Variants in ZNF469 observed in about 807,000 individuals in gnomAD.
The protein encoded by ZNF469 is zinc finger protein 469.
In ZNF469, 1 loss-of-function variant was observed where a neutral mutation model predicts 1.0. The observed-to-expected ratio is 1.00, with a 90% CI of 0.35 to 4.73. ZNF469 has a LOEUF of 4.73. Among genes scored for constraint, ZNF469 ranks in the 30% most tolerant of loss-of-function variants. The pLI is 0.16. For missense variants in ZNF469, 6,100 were observed against 5,356.3 expected (o/e 1.14, Z -4.33); for synonymous variants, 2,703 against 2,363.4 (o/e 1.14, Z -4.17).
the ZNF469 span, among the ~76,000 whole-genome samples, chr16:88,233,629 C>T: frequency 1.3e-5 from 2 of 152,334 alleles, no homozygotes; most frequent in African/African-American, 4.8e-5. Flanking sequence ...GCCGCCTGGG[C>T]ATGAAACAGG....
At chr16:88,342,538 A>G in the ZNF469 span, among the ~76,000 whole-genome samples, 17,640 of 152,168 alleles carry the variant, frequency 0.12, 1,311 homozygotes, top group African/African-American at 0.21. Flanking sequence ...GCACTCAGGT[A>G]GGACATCACT....
chr16:88,257,778 C>T, the ZNF469 span, among the ~76,000 whole-genome samples: 2 of 152,316 alleles, frequency 1.3e-5, no homozygotes, highest in African/African-American at 4.8e-5. Flanking sequence ...ACAAAGCACA[C>T]ACCCTGGTCA....
chr16:88,136,259 C>G, the ZNF469 span, among the ~76,000 whole-genome samples: 2 of 152,206 alleles, frequency 1.3e-5, no homozygotes, highest in Non-Finnish European at 2.9e-5. Flanking sequence ...CCAGCCTGGC[C>G]CCTGCCCTCC....
At chr16:88,109,831 G>A in the ZNF469 span, among the ~76,000 whole-genome samples, 814 of 151,614 alleles carry the variant, frequency 5.4e-3, 7 homozygotes, top group African/African-American at 0.018. Flanking sequence ...GGTGCTGAGC[G>A]TCTGTGTCCA....
At chr16:88,261,579 G>A in the ZNF469 span, among the ~76,000 whole-genome samples, 2 of 152,186 alleles carry the variant, frequency 1.3e-5, no homozygotes, top group South Asian at 4.1e-4. This position sits in a 1 kb window ranked among gnomAD's most constrained non-coding sequence, Gnocchi z 6.0. Flanking sequence ...GGCAGGTCCT[G>A]GCCTTTGTAA....
the ZNF469 span, among the ~76,000 whole-genome samples, chr16:88,189,583 C>T: frequency 0.015 from 2,218 of 152,264 alleles, 83 homozygotes; most frequent in African/African-American, 0.05. The surrounding 1 kb of genome is among the most constrained non-coding windows in gnomAD (Gnocchi z 4.3). Context: ...GCTGGGGAAA[C>T]GCTCCTATGG....
intron 1 of ZNF469, among the ~76,000 whole-genome samples, chr16:88,409,887 C>G (rs59320207): frequency 1.8e-3 from 10 of 5,638 alleles, no homozygotes; most frequent in African/African-American, 4.5e-3. Context: ...GGGGGGGGCG[C>G]GGGGCGTTCC....
chr16:88,219,216 G>T, the ZNF469 span, among the ~76,000 whole-genome samples: 2 of 149,924 alleles, frequency 1.3e-5, no homozygotes, highest in Non-Finnish European at 1.5e-5. Flanking sequence ...CAGATTCAAT[G>T]CCATCCCCAT....
At chr16:88,170,522 G>A in the ZNF469 span, among the ~76,000 whole-genome samples, 2 of 152,154 alleles carry the variant, frequency 1.3e-5, no homozygotes, top group Non-Finnish European at 2.9e-5. The surrounding 1 kb of genome is among the most constrained non-coding windows in gnomAD (Gnocchi z 4.2). Flanking sequence ...ACATGTAAGT[G>A]AGATCGTGCA....
chr16:88,121,579 G>C, the ZNF469 span, among the ~76,000 whole-genome samples: 3 of 152,122 alleles, frequency 2.0e-5, no homozygotes, highest in African/African-American at 7.2e-5. Flanking sequence ...GCTGAAATCC[G>C]GCCCTGGGCC....
chr16:88,324,173 A>G, the ZNF469 span, among the ~76,000 whole-genome samples: 28,162 of 152,104 alleles, frequency 0.19, 2,732 homozygotes, highest in South Asian at 0.28. Context: ...GGGCTTCCTC[A>G]CAGCATGAGG....
At chr16:88,394,751 G>A (rs1326514010) in intron 1 of ZNF469, among the ~76,000 whole-genome samples, 1 of 152,222 alleles carries the variant, frequency 6.6e-6, no homozygotes, top group Non-Finnish European at 1.5e-5. Context: ...GAGGGAACAG[G>A]GGGCTCAGGG....
the ZNF469 span, among the ~76,000 whole-genome samples, chr16:88,124,018 G>T: frequency 6.6e-6 from 1 of 152,126 alleles, no homozygotes; most frequent in Non-Finnish European, 1.5e-5. Flanking sequence ...GGTCAGGCTG[G>T]TCTCGAACTC....
chr16:88,304,439 T>C, the ZNF469 span, among the ~76,000 whole-genome samples: 1 of 152,178 alleles, frequency 6.6e-6, no homozygotes, highest in Non-Finnish European at 1.5e-5. Flanking sequence ...GGGCCAGGCC[T>C]CCATCCAGAC....
chr16:88,360,142 C>G, the ZNF469 span, among the ~76,000 whole-genome samples: 1 of 151,970 alleles, frequency 6.6e-6, no homozygotes, highest in South Asian at 2.1e-4. Context: ...GCATGAGAAA[C>G]CACACCCGGC....
chr16:88,431,062 G>T lies in ZNF469; in HGVS notation c.3592G>T (p.Ala1198Ser), dbSNP rs1365252134. Residue 1198 changes from alanine to serine, a missense_variant, in exon 3 of 3, where the codon GCC (alanine) becomes TCC (serine). Ala to Ser is a moderately conservative substitution (Grantham distance 99). Transcript: ENST00000565624. ...GPKCADRPSV[A>S]PKDPLQVPTN... Reference sequence around the variant, plus strand: ...CAAGTGTGCTGATCGCCCCTCAGTGGCCCCCAAGGATCCCCTGCAGGTCCC... The same window carrying T: ...CAAGTGTGCTGATCGCCCCTCAGTGTCCCCCAAGGATCCCCTGCAGGTCCC... 6 of 1,549,122 alleles carry T rather than the reference G, an allele frequency of 3.9e-6. No homozygotes were observed. Among genetic ancestry groups the T allele is most frequent in the Non-Finnish European group, 4.4e-6 (5 of 1,146,812 alleles).
chr16:88,346,137 G>T, the ZNF469 span, among the ~76,000 whole-genome samples: 1 of 152,146 alleles, frequency 6.6e-6, no homozygotes, highest in East Asian at 1.9e-4. Flanking sequence ...CTCTTCCTCC[G>T]TGGGTGCCCG....
the ZNF469 span, among the ~76,000 whole-genome samples, chr16:88,160,199 A>T: frequency 6.6e-6 from 1 of 152,240 alleles, no homozygotes; most frequent in Non-Finnish European, 1.5e-5. Context: ...TCTGGGACTA[A>T]GGAGCCACGG....
rs1469677865 is a variant in ZNF469 at position 88,430,439 on chromosome 16, C to T, written c.2969C>T (p.Pro990Leu). 1 of 1,505,988 alleles carries T rather than the reference C, an allele frequency of 6.6e-7. No individual in the cohort carries two copies. The highest frequency in any genetic ancestry group is 1.4e-5 in the African/African-American group (1 of 71,034). The allele number at this position is 1,505,988 out of a possible 1,614,324, so 93.3% of individuals were successfully genotyped here. A position where few individuals can be genotyped will look rare whatever the true frequency, so the allele number is the denominator to read the frequency against. Residue 990 changes from proline to leucine, a missense_variant, in exon 3 of 3, where the codon CCC becomes CTC. Physicochemically the swap from Pro to Leu is moderately conservative, Grantham distance 98. Transcript: ENST00000565624. ...AGGAACGACGGTCTCGGGGAGCGGC[C>T]CCCACCCCGTCCCCGGCGCCCTAGA... ...PRRNDGLGERPPPRPRRPRTQ... is the reference protein window; with the variant it reads ...PRRNDGLGERLPPRPRRPRTQ...
Sources: gnomAD v4.1 joint callset for allele counts (sites outside exome capture counted in the v4.1 genomes callset) on GRCh38, gnomAD v4.1.1 for gene constraint, Gnocchi (gnomAD v3.1) non-coding constraint, MANE v1.5 for transcripts, NCBI Gene and HGNC (gene_info 2026-07-23, HGNC 2026-07-21) for gene names.